The following GBF1 variants were observed in gnomAD, a reference collection of about 807,000 sequenced individuals.
GBF1 encodes the protein golgi brefeldin A resistant guanine nucleotide exchange factor 1, also known as Golgi-specific brefeldin A-resistance guanine nucleotide exchange factor 1.
A neutral mutation model predicts 210.5 loss-of-function variants in GBF1; 114 were observed. The observed-to-expected ratio is 0.54, with a 90% CI of 0.47 to 0.63. The LOEUF is 0.63. Among genes scored for constraint, GBF1 ranks in the 30% least tolerant of loss-of-function variants. The pLI, the probability that GBF1 is intolerant of heterozygous loss-of-function variation, is 0.00. For synonymous variants in GBF1, 850 were observed against 889.2 expected, an observed-to-expected ratio of 0.96 and a Z score of 0.78; for missense variants, 1,851 against 2,357.7, an observed-to-expected ratio of 0.79 and a Z score of 4.45.
chr10:102,345,954 C>G (rs543446813), intron 4 of GBF1, among the ~76,000 whole-genome samples: 1 of 151,972 alleles, frequency 6.6e-6, no homozygotes, highest in African/African-American at 2.4e-5. Context: ...TTTACTAGCT[C>G]TATAATTTCC....
At chr10:102,310,148 C>T (rs999503490) in intron 3 of GBF1, among the ~76,000 whole-genome samples, 1 of 152,154 alleles carries the variant, frequency 6.6e-6, no homozygotes, top group South Asian at 2.1e-4. Flanking sequence ...ACATATGTTT[C>T]GCCTTCAAGG....
chr10:102,328,502 A>G (rs945755771), intron 3 of GBF1, among the ~76,000 whole-genome samples: 1 of 152,204 alleles, frequency 6.6e-6, no homozygotes, highest in Non-Finnish European at 1.5e-5. Context: ...AAATAAAAAT[A>G]AAAAGACCCC....
intron 3 of GBF1, among the ~76,000 whole-genome samples, chr10:102,316,900 C>G (rs1253502437): frequency 6.6e-6 from 1 of 152,106 alleles, no homozygotes; most frequent in African/African-American, 2.4e-5. Context: ...GCAGGAAGGC[C>G]AGTATTGTTT....
rs376021706 is a variant in GBF1, at chr10:102,366,519, G to A, written c.2433+13G>A. 2.2e-5 allele frequency: 36 copies of A among 1,611,394 alleles called. No homozygotes were observed. Among genetic ancestry groups the A allele is most frequent in the African/African-American group, 1.6e-4 (12 of 74,754 alleles). On this transcript the variant is annotated intron_variant, in intron 19 of 39. Transcript: ENST00000369983. This position sits in a 1 kb window ranked among gnomAD's most constrained non-coding sequence, Gnocchi z 4.0. Reference sequence around the variant, plus strand: ...AGAGCGTTGGATGGTGAGTTTGAGTGTCAGGGGCTGAGCCCAGGATCCAAG... The same window carrying A: ...AGAGCGTTGGATGGTGAGTTTGAGTATCAGGGGCTGAGCCCAGGATCCAAG...
chr10:102,316,352 G>A (rs547105323), intron 3 of GBF1, among the ~76,000 whole-genome samples: 21 of 152,230 alleles, frequency 1.4e-4, no homozygotes, highest in African/African-American at 4.3e-4. Flanking sequence ...CTCCCAAAGC[G>A]CTGGGATTTA....
intron 3 of GBF1, among the ~76,000 whole-genome samples, chr10:102,264,586 G>T (rs1300561950): frequency 6.6e-6 from 1 of 152,124 alleles, no homozygotes; most frequent in Non-Finnish European, 1.5e-5. Flanking sequence ...ATCAGGTGTG[G>T]CAGGAATATC....
chr10:102,230,852 G>A, the GBF1 span: 1 of 1,595,976 alleles, frequency 6.3e-7, no homozygotes, highest in South Asian at 1.1e-5. Context: ...ATGGAGCTGG[G>A]TGGCGAGAAG....
In GBF1 at chr10:102,380,068, C is replaced by T. The variant is rs542310594; in HGVS notation, c.4878+114C>T. 5.3e-5 allele frequency: 40 copies of T among 758,810 alleles called. No homozygotes were observed. In the South Asian group the frequency reaches 5.8e-4, roughly 11 times the overall value. The allele number at this position is 758,810 out of a possible 1,614,324, so 47.0% of individuals were successfully genotyped here. ...TGCACTGTAGGTGCTCACAACCCCC[C>T]AGCTATGGACACTAAGCAGGACCTA... is the stretch of plus-strand genomic sequence containing the variant. On this transcript the variant is annotated intron_variant, in intron 36 of 39. Transcript: ENST00000369983.
chr10:102,333,782 C>T (rs185307404), intron 3 of GBF1, among the ~76,000 whole-genome samples: 56 of 152,284 alleles, frequency 3.7e-4, no homozygotes, highest in Non-Finnish European at 6.6e-4. Context: ...CTTCTTCCTA[C>T]GGAGCTTACC....
intron 3 of GBF1, among the ~76,000 whole-genome samples, chr10:102,293,622 ACT>A (rs1168101278): frequency 2.0e-5 from 3 of 152,138 alleles, no homozygotes; most frequent in East Asian, 1.9e-4. Context: ...TGATCCTGAC[ACT>A]CTGTAGGCCT....
the GBF1 span, among the ~76,000 whole-genome samples, chr10:102,235,917 G>A: frequency 6.6e-6 from 1 of 152,242 alleles, no homozygotes; most frequent in Non-Finnish European, 1.5e-5. Flanking sequence ...CCCAAGCTGG[G>A]AGCCACTTTG....
intron 3 of GBF1, among the ~76,000 whole-genome samples, chr10:102,327,397 C>T (rs1291265360): frequency 3.3e-5 from 5 of 152,150 alleles, no homozygotes; most frequent in Admixed American, 1.3e-4. Flanking sequence ...TGAGCACTTT[C>T]GCTCTTAGGT....
chr10:102,243,137 G>A (rs1385620937), upstream of GBF1, among the ~76,000 whole-genome samples: 2 of 152,018 alleles, frequency 1.3e-5, no homozygotes, highest in African/African-American at 4.8e-5. Flanking sequence ...GGCCCTTCCT[G>A]TGAAAGTAAC....
At chr10:102,251,927 C>T (rs1018554807) in intron 1 of GBF1, among the ~76,000 whole-genome samples, 3 of 152,158 alleles carry the variant, frequency 2.0e-5, no homozygotes, top group Admixed American at 1.3e-4. Flanking sequence ...ATAATCCCAG[C>T]ACTTTGAGAG....
intron 7 of GBF1, among the ~76,000 whole-genome samples, chr10:102,352,977 C>T (rs998790362): frequency 6.6e-5 from 10 of 152,104 alleles, no homozygotes; most frequent in African/African-American, 2.4e-4. Context: ...GTTGGTTACC[C>T]TTTGGTAAGG....
chr10:102,302,398 G>A (rs367964165), intron 3 of GBF1, among the ~76,000 whole-genome samples: 20 of 152,024 alleles, frequency 1.3e-4, no homozygotes, highest in Non-Finnish European at 2.6e-4. Context: ...TATATAAGGG[G>A]TGAGTTATAG....
In GBF1 at chr10:102,363,436, G is replaced by A. The variant is rs1322868278; in HGVS notation, c.2017+40G>A. The A allele has an allele frequency of 3.8e-6, 6 of 1,583,112 alleles. No individual in the cohort carries two copies. Among genetic ancestry groups the A allele is most frequent in the African/African-American group, 2.7e-5 (2 of 74,106 alleles). On this transcript the variant is annotated intron_variant, in intron 16 of 39. Transcript: ENST00000369983. The surrounding 1 kb of genome is among the most constrained non-coding windows in gnomAD (Gnocchi z 4.2). Reference sequence around the variant, plus strand: ...TCCATGACCCTAAGCTCCTCACCTGGAGGGCCTGGTGAAGAGCAGAGGGAG... The same window carrying A: ...TCCATGACCCTAAGCTCCTCACCTGAAGGGCCTGGTGAAGAGCAGAGGGAG...
At chr10:102,315,663 A>G (rs2078867071) in intron 3 of GBF1, among the ~76,000 whole-genome samples, 1 of 152,148 alleles carries the variant, frequency 6.6e-6, no homozygotes, top group African/African-American at 2.4e-5. Flanking sequence ...TGAAAATCTA[A>G]TGTCGTCGCT....
At chr10:102,275,542 T>G (rs1176892589) in intron 3 of GBF1, among the ~76,000 whole-genome samples, 1 of 152,176 alleles carries the variant, frequency 6.6e-6, no homozygotes, top group African/African-American at 2.4e-5. Flanking sequence ...AAGAACTTTC[T>G]AAAAGAGAAA....
Sources: gnomAD v4.1 joint callset for allele counts (sites outside exome capture counted in the v4.1 genomes callset) on GRCh38, gnomAD v4.1.1 for gene constraint, Gnocchi (gnomAD v3.1) non-coding constraint, MANE v1.5 for transcripts, NCBI Gene and HGNC (gene_info 2026-07-23, HGNC 2026-07-21) for gene names.